The following SMYD3 variants were observed in gnomAD, a reference collection of about 807,000 sequenced individuals.
SMYD3 encodes SET and MYND domain containing 3.
A neutral mutation model predicts 57.7 loss-of-function variants in SMYD3; 36 were observed. The ratio of observed to expected loss-of-function variants is 0.62; its 90% CI spans 0.48 to 0.82. The LOEUF (loss-of-function observed/expected upper bound fraction) is 0.82, where lower values mean the gene tolerates loss of function less well. Ranked by LOEUF, SMYD3 falls within the 40% of genes least tolerant of loss-of-function variation. The pLI is 0.00. For synonymous variants in SMYD3, 211 were observed against 195.0 expected, an observed-to-expected ratio of 1.08 and a Z score of -0.68; for missense variants, 515 against 538.8, an observed-to-expected ratio of 0.96 and a Z score of 0.44.
At position 246,327,163 on chromosome 1, in the gene SMYD3, G is replaced by GA. The variant is rs772297244; in HGVS notation, c.531+37dup. The GA allele has an allele frequency of 8.7e-6, 14 of 1,610,864 alleles. No individual in the cohort carries two copies. In the Admixed American group the frequency reaches 2.4e-4, roughly 27 times the overall value. On this transcript the variant is annotated intron_variant, in intron 5 of 11. Coordinates refer to ENST00000490107, the MANE Select transcript of SMYD3 (RefSeq NM_001167740.2). ...ACAACAAAATAAGGAGCAAATGGTT[G>GA]ATGTATGGAATTAGCAAAGAGCAAA...
chr1:245,962,502 T>C (rs1203527281), intron 5 of SMYD3, among the ~76,000 whole-genome samples: 3 of 152,144 alleles, frequency 2.0e-5, no homozygotes. Flanking sequence ...GTCCACATGG[T>C]TATTTTATTC....
intron 8 of SMYD3, among the ~76,000 whole-genome samples, chr1:245,866,404 C>T (rs2051847343): frequency 6.6e-6 from 1 of 151,314 alleles, no homozygotes; most frequent in Admixed American, 6.6e-5. Flanking sequence ...ACTTTCTGTA[C>T]ATGGAGGAGG....
At chr1:245,798,997 A>G (rs1370866495) in intron 10 of SMYD3, among the ~76,000 whole-genome samples, 1 of 151,940 alleles carries the variant, frequency 6.6e-6, no homozygotes, top group East Asian at 1.9e-4. Context: ...TCCAACAGGC[A>G]CTCTTCTCTT....
rs1489741642 is a variant in SMYD3 at position 245,770,829 on chromosome 1, T to C, written c.1077-6680A>G. Among the ~76,000 whole-genome samples, 2 of 152,118 alleles carry C rather than the reference T, an allele frequency of 1.3e-5. 1 individual carries two copies. The highest frequency in any genetic ancestry group is 2.9e-5 in the Non-Finnish European group (2 of 67,994). ...AAATAACCAGTGGAAATTTTAGAAC[T>C]GAAAAATAGAAAACTAAAATTAAGA... On this transcript the variant is annotated intron_variant, in intron 10 of 11. Transcript: ENST00000490107.
chr1:245,942,956 AC>A (rs1170561931), intron 5 of SMYD3, among the ~76,000 whole-genome samples: 1 of 152,162 alleles, frequency 6.6e-6, no homozygotes, highest in Non-Finnish European at 1.5e-5. Context: ...GAAACTATGT[AC>A]CAGAACCTCT....
chr1:245,901,988 C>G (rs1034207747), intron 8 of SMYD3, among the ~76,000 whole-genome samples: 5 of 152,120 alleles, frequency 3.3e-5, no homozygotes, highest in Non-Finnish European at 7.4e-5. Flanking sequence ...ATGCTGCATT[C>G]TAGTCACCCC....
intron 5 of SMYD3, among the ~76,000 whole-genome samples, chr1:246,315,230 T>C (rs1186066198): frequency 6.6e-6 from 1 of 152,178 alleles, no homozygotes; most frequent in East Asian, 1.9e-4. Flanking sequence ...CCTATTTTCA[T>C]GAAATTTATA....
At chr1:246,175,231 G>A (rs1387184405) in intron 5 of SMYD3, among the ~76,000 whole-genome samples, 1 of 152,064 alleles carries the variant, frequency 6.6e-6, no homozygotes, top group Non-Finnish European at 1.5e-5. Context: ...TTGTAACATG[G>A]TAAATATCCC....
intron 5 of SMYD3, among the ~76,000 whole-genome samples, chr1:245,939,804 C>T (rs1170742913): frequency 6.6e-6 from 1 of 152,158 alleles, no homozygotes; most frequent in Non-Finnish European, 1.5e-5. Flanking sequence ...GGAACAGTCC[C>T]ACTGCTTAGA....
At chr1:246,224,278 G>T (rs1168115200) in intron 5 of SMYD3, among the ~76,000 whole-genome samples, 1 of 152,036 alleles carries the variant, frequency 6.6e-6, no homozygotes, top group Non-Finnish European at 1.5e-5. Context: ...GACCTTTCTG[G>T]GGTGGGGTGT....
chr1:246,079,348 G>A (rs1396242812), intron 5 of SMYD3, among the ~76,000 whole-genome samples: 3 of 152,190 alleles, frequency 2.0e-5, no homozygotes, highest in Admixed American at 6.5e-5. Context: ...AACAATTTAA[G>A]GAATTTTGAA....
rs557662050 is a variant in SMYD3, at chr1:245,938,826, G to A, written c.532-8889C>T. ...GACCAGATTCCTGAGTTGGTAAGTA[G>A]CTAAAACACCAGCATACTGCCCCTA... On this transcript the variant is annotated intron_variant, in intron 5 of 11. Coordinates refer to ENST00000490107, the MANE Select transcript of SMYD3 (RefSeq NM_001167740.2). Among the ~76,000 whole-genome samples, 4 of 152,206 alleles carry A rather than the reference G, an allele frequency of 2.6e-5. 1 individual carries two copies. The South Asian group carries it at 8.3e-4, about 32-fold the overall frequency.
intron 5 of SMYD3, among the ~76,000 whole-genome samples, chr1:246,190,984 T>G (rs1367785778): frequency 6.6e-6 from 1 of 152,236 alleles, no homozygotes; most frequent in Non-Finnish European, 1.5e-5. Context: ...TAAATCCTGA[T>G]GGATGGCTGA....
intron 5 of SMYD3, among the ~76,000 whole-genome samples, chr1:245,964,758 A>C (rs2058097498): frequency 6.6e-6 from 1 of 152,020 alleles, no homozygotes; most frequent in African/African-American, 2.4e-5. Context: ...ACGACAACAG[A>C]AACTTCTGAA....
At chr1:246,091,113 T>C (rs1302991422) in intron 5 of SMYD3, among the ~76,000 whole-genome samples, 1 of 152,194 alleles carries the variant, frequency 6.6e-6, no homozygotes, top group Non-Finnish European at 1.5e-5. Context: ...GCACGGCTGC[T>C]GTTCAAAGAC....
At chr1:245,930,010 C>T (rs1171737756) in intron 5 of SMYD3, 73 bp from the exon 6 acceptor site, 23 of 1,312,616 alleles carry the variant, frequency 1.8e-5, no homozygotes, top group Middle Eastern at 3.6e-4. Flanking sequence ...GAATAAAAAA[C>T]GTTCAAACCC....
chr1:246,256,009 CATAGATACATAG>C (rs534722734), intron 5 of SMYD3, among the ~76,000 whole-genome samples: 112 of 151,780 alleles, frequency 7.4e-4, no homozygotes, highest in African/African-American at 2.3e-3. Flanking sequence ...TACATACATA[CATAGATACATAG>C]ATAGATACAT....
At chr1:246,329,699 G>A (rs2065427178) in intron 4 of SMYD3, among the ~76,000 whole-genome samples, 2 of 152,074 alleles carry the variant, frequency 1.3e-5, no homozygotes, top group South Asian at 2.1e-4. Context: ...AGTTTAATCA[G>A]ATCCCATTTG....
intron 5 of SMYD3, among the ~76,000 whole-genome samples, chr1:246,306,519 C>T (rs1014193477): frequency 1.3e-5 from 2 of 152,182 alleles, no homozygotes; most frequent in Non-Finnish European, 2.9e-5. Context: ...GAACCACTAA[C>T]AGATATGGCT....
Sources: gnomAD v4.1 joint callset for allele counts (sites outside exome capture counted in the v4.1 genomes callset) on GRCh38, gnomAD v4.1.1 for gene constraint, MANE v1.5 for transcripts, NCBI Gene and HGNC (gene_info 2026-07-23, HGNC 2026-07-21) for gene names.